The following SLC38A1 variants were observed in gnomAD, a reference collection of about 807,000 sequenced individuals.
The protein encoded by SLC38A1 is sodium-coupled neutral amino acid symporter 1.
A neutral mutation model predicts 60.3 loss-of-function variants in SLC38A1; 18 were observed. The observed-to-expected ratio is 0.30, with a 90% CI of 0.21 to 0.44. The LOEUF (loss-of-function observed/expected upper bound fraction) is 0.44. SLC38A1 is among the 20% of genes least tolerant of loss of function. SLC38A1 has a pLI of 1.00. For missense variants in SLC38A1, 448 were observed against 587.2 expected (o/e 0.76, Z 2.45); for synonymous variants, 196 against 212.1 (o/e 0.92, Z 0.66).
chr12:46,244,538 A>G (rs1377638663), intron 1 of SLC38A1, among the ~76,000 whole-genome samples: 2 of 152,214 alleles, frequency 1.3e-5, no homozygotes, highest in African/African-American at 4.8e-5. Context: ...GTACCATTCT[A>G]GCAGGTGCTG....
chr12:46,251,710 A>G (rs1941846487), intron 1 of SLC38A1, among the ~76,000 whole-genome samples: 1 of 152,260 alleles, frequency 6.6e-6, no homozygotes, highest in South Asian at 2.1e-4. Flanking sequence ...AAAGACATTT[A>G]TGGAGCCAAC....
At chr12:46,247,841 C>T (rs1941675616) in intron 1 of SLC38A1, among the ~76,000 whole-genome samples, 1 of 152,216 alleles carries the variant, frequency 6.6e-6, no homozygotes, top group Non-Finnish European at 1.5e-5. Context: ...GATCTCTCAG[C>T]AGAAACTCTA....
intron 12 of SLC38A1, 150 bp from the exon 13 acceptor site, chr12:46,201,348 A>T: frequency 1.5e-6 from 1 of 646,068 alleles, no homozygotes; most frequent in Non-Finnish European, 2.7e-6. Context: ...ATGCCAGTTG[A>T]AAATAACCTC....
intron 16 of SLC38A1, 91 bp downstream of exon 16, chr12:46,197,629 A>C: frequency 1.2e-6 from 1 of 837,230 alleles, no homozygotes; most frequent in Non-Finnish European, 2.0e-6. Context: ...AGGCAACTGA[A>C]AGTAGTCTTG....
rs1195594832 is a variant in SLC38A1 at position 46,183,507 on chromosome 12, G to T, written c.*5463C>A. 1 of 152,044 alleles carries T rather than the reference G, an allele frequency of 6.6e-6. No individual in the cohort carries two copies. The highest frequency in any genetic ancestry group is 6.6e-5 in the Admixed American group (1 of 15,266). The allele number at this position is 152,044 out of a possible 1,614,324, so 9.4% of individuals were successfully genotyped here. ...ATTTGTGCTCATAATTAATATTCAG[G>T]TTCCCTCTCCCCGCTTTCATAGATC... On this transcript the variant is annotated 3_prime_UTR_variant, in exon 17 of 17. Coordinates refer to ENST00000398637, the MANE Select transcript of SLC38A1 (RefSeq NM_030674.4).
chr12:46,259,963 A>G (rs1019290581), intron 1 of SLC38A1, among the ~76,000 whole-genome samples: 2 of 152,078 alleles, frequency 1.3e-5, no homozygotes, highest in Admixed American at 6.6e-5. Context: ...TGGCTCCACC[A>G]CTTAGAAGCT....
chr12:46,210,517 C>T (rs1940112078), intron 5 of SLC38A1, among the ~76,000 whole-genome samples: 1 of 152,112 alleles, frequency 6.6e-6, no homozygotes, highest in Admixed American at 6.5e-5. Flanking sequence ...TCCCTAAAAT[C>T]CTTGAGTGAG....
At chr12:46,214,662 A>G (rs1194938622) in intron 5 of SLC38A1, among the ~76,000 whole-genome samples, 1 of 152,224 alleles carries the variant, frequency 6.6e-6, no homozygotes, top group Non-Finnish European at 1.5e-5. Context: ...TTGTATATAA[A>G]GTATACCCCA....
chr12:46,194,367 T>G lies in SLC38A1; in HGVS notation c.1362+3353A>C, dbSNP rs1939275961. ...CCTCTCTTTCTGGCTGCCCTTAACATTGTTTCCTCCATTTCAACCTTGGTG... is the reference window on the plus strand; with the variant it reads ...CCTCTCTTTCTGGCTGCCCTTAACAGTGTTTCCTCCATTTCAACCTTGGTG... On this transcript the variant is annotated intron_variant, in intron 16 of 16. Transcript: ENST00000398637. Among the ~76,000 whole-genome samples, 4 of 152,310 alleles carry G rather than the reference T, an allele frequency of 2.6e-5. No individual in the cohort carries two copies. The South Asian group carries it at 8.3e-4, about 32-fold the overall frequency.
At chr12:46,217,119 C>A (rs1221364053) in intron 5 of SLC38A1, among the ~76,000 whole-genome samples, 5 of 152,106 alleles carry the variant, frequency 3.3e-5, no homozygotes, top group Non-Finnish European at 5.9e-5. Flanking sequence ...ATATATCAGG[C>A]CCTTTCTAAG....
chr12:46,196,204 G>T, intron 16 of SLC38A1: 1 of 1,536,090 alleles, frequency 6.5e-7, no homozygotes. Flanking sequence ...TTCAGTGAGA[G>T]CGCTGCAGGG....
intron 9 of SLC38A1, among the ~76,000 whole-genome samples, chr12:46,205,071 G>T (rs572194404): frequency 6.6e-6 from 1 of 152,150 alleles, no homozygotes; most frequent in Non-Finnish European, 1.5e-5. Context: ...TAGATGAAGC[G>T]AATTTCTAGT....
chr12:46,250,378 A>G (rs1261258032), intron 1 of SLC38A1, among the ~76,000 whole-genome samples: 1 of 152,224 alleles, frequency 6.6e-6, no homozygotes, highest in Non-Finnish European at 1.5e-5. Flanking sequence ...CACAGCCAAT[A>G]TCATACCAAA....
At chr12:46,256,624 C>T (rs868092527) in intron 1 of SLC38A1, among the ~76,000 whole-genome samples, 7 of 104,702 alleles carry the variant, frequency 6.7e-5, no homozygotes, top group African/African-American at 2.5e-4. Flanking sequence ...CACACACACA[C>T]ACACACACAC....
rs1350736813 is a variant in SLC38A1 at position 46,206,020 on chromosome 12, A to T, written c.646+60T>A. 1.5e-5 allele frequency: 15 copies of T among 1,013,224 alleles called. No homozygotes were observed. In the East Asian group the frequency reaches 3.7e-4, roughly 25 times the overall value. The allele number at this position is 1,013,224 out of a possible 1,614,324, so 62.8% of individuals were successfully genotyped here. On this transcript the variant is annotated intron_variant, in intron 9 of 16. Transcript: ENST00000398637. ...GCAGAGGGCAACACTGTCCATTTTT[A>T]TTCAGTTTCTGATTCACTTGGGCAC...
intron 1 of SLC38A1, among the ~76,000 whole-genome samples, chr12:46,256,503 C>A (rs1187406278): frequency 6.6e-6 from 1 of 152,046 alleles, no homozygotes; most frequent in Non-Finnish European, 1.5e-5. Flanking sequence ...ACCCGGGCTG[C>A]CATTGTGATG....
At chr12:46,247,839 A>C (rs1488222639) in intron 1 of SLC38A1, among the ~76,000 whole-genome samples, 2 of 152,252 alleles carry the variant, frequency 1.3e-5, no homozygotes, top group African/African-American at 4.8e-5. Flanking sequence ...CAGATCTCTC[A>C]GCAGAAACTC....
At chr12:46,228,800 A>C (rs1940961994) in intron 5 of SLC38A1, among the ~76,000 whole-genome samples, 1 of 152,216 alleles carries the variant, frequency 6.6e-6, no homozygotes, top group Admixed American at 6.5e-5. Flanking sequence ...TCCAAATGCC[A>C]AAGTGGTGAC....
At chr12:46,224,292 A>G (rs1385752773) in intron 5 of SLC38A1, among the ~76,000 whole-genome samples, 1 of 152,128 alleles carries the variant, frequency 6.6e-6, no homozygotes, top group African/African-American at 2.4e-5. Flanking sequence ...ACTATGATAA[A>G]TCGAGAGTGC....
Sources: allele counts gnomAD v4.1 joint callset (sites outside exome capture counted in the v4.1 genomes callset), GRCh38; gene constraint gnomAD v4.1.1; transcripts MANE v1.5; gene names NCBI Gene and HGNC (gene_info 2026-07-23, HGNC 2026-07-21).